LDLRAD3: variants seen among roughly 807,000 people sequenced by gnomAD.
LDLRAD3 encodes the protein low-density lipoprotein receptor class A domain-containing protein 3.
Under a neutral mutation model 29.4 loss-of-function variants are expected in LDLRAD3, and 20 were observed. The observed-to-expected ratio is 0.68, with a 90% CI of 0.48 to 0.99. The LOEUF is 0.99. LDLRAD3 is among the 50% of genes least tolerant of loss of function. The pLI is 0.00. For synonymous variants in LDLRAD3, 157 were observed against 192.7 expected (o/e 0.81, Z 1.53); for missense variants, 420 against 454.3 (o/e 0.92, Z 0.69).
At position 36,144,651 on chromosome 11, in the gene LDLRAD3, G is replaced by A. The variant is rs1207947369; in HGVS notation, c.454+46190G>A. Among the ~76,000 whole-genome samples the A allele has an allele frequency of 8.2e-5, 6 of 72,952 alleles. 1 individual carries two copies. The highest frequency in any genetic ancestry group is 6.8e-4 in the Admixed American group (6 of 8,868). The allele number at this position is 72,952 out of a possible 152,430, so 47.9% of individuals were successfully genotyped here. On this transcript the variant is annotated intron_variant, in intron 4 of 5. Transcript: ENST00000315571. ...TGAGAAGTGAGAAGCCCCTCCGCCC[G>A]GCAGCCACACCGTCTGAGAAGTGAG...
At chr11:36,073,130 G>C (rs1852935265) in intron 2 of LDLRAD3, among the ~76,000 whole-genome samples, 1 of 152,186 alleles carries the variant, frequency 6.6e-6, no homozygotes, top group Admixed American at 6.5e-5. Flanking sequence ...GTTGGCAATT[G>C]TATTAGTCTT....
intron 1 of LDLRAD3, among the ~76,000 whole-genome samples, chr11:35,947,639 C>T (rs1851074725): frequency 6.6e-6 from 1 of 152,204 alleles, no homozygotes; most frequent in South Asian, 2.1e-4. Flanking sequence ...CACATGATCC[C>T]ATTGAAACTT....
intron 3 of LDLRAD3, among the ~76,000 whole-genome samples, chr11:36,090,471 G>A (rs1459019337): frequency 1.3e-5 from 2 of 152,196 alleles, no homozygotes; most frequent in East Asian, 3.9e-4. Flanking sequence ...TCTGGGGGAA[G>A]GTTTAGGGAG....
At chr11:36,174,402 G>A (rs2133351385) in intron 4 of LDLRAD3, among the ~76,000 whole-genome samples, 1 of 152,238 alleles carries the variant, frequency 6.6e-6, no homozygotes, top group African/African-American at 2.4e-5. Context: ...CACAGCAAAA[G>A]AAACTACCAT....
At chr11:36,054,840 AATGG>A (rs201580069) in intron 2 of LDLRAD3, among the ~76,000 whole-genome samples, 25 of 133,820 alleles carry the variant, frequency 1.9e-4, no homozygotes, top group Non-Finnish European at 3.2e-4. Context: ...TGGATGGATG[AATGG>A]ATGGATGGAT....
chr11:36,081,515 T>C (rs1377883126), intron 2 of LDLRAD3, 138 bp from the exon 3 acceptor site: 2 of 1,120,474 alleles, frequency 1.8e-6, no homozygotes, highest in East Asian at 4.8e-5. Flanking sequence ...AGGTGGGTGG[T>C]GGTAATGAGA....
chr11:36,153,404 G>T (rs1043836923), intron 4 of LDLRAD3, among the ~76,000 whole-genome samples: 1 of 152,132 alleles, frequency 6.6e-6, no homozygotes, highest in Non-Finnish European at 1.5e-5. Flanking sequence ...CTGAGCACTG[G>T]CTGGCTCTGG....
intron 1 of LDLRAD3, chr11:35,968,258 C>A: frequency 2.5e-6 from 1 of 395,290 alleles, no homozygotes. Context: ...TGACCAGAGC[C>A]AGTGAGGTCA....
chr11:36,198,391 A>C (rs1427687200), intron 4 of LDLRAD3, among the ~76,000 whole-genome samples: 2 of 149,282 alleles, frequency 1.3e-5, no homozygotes, highest in Admixed American at 6.7e-5. Flanking sequence ...ACACACACAC[A>C]CTTTCTCATC....
At chr11:35,993,157 C>G (rs548994383) in intron 1 of LDLRAD3, among the ~76,000 whole-genome samples, 2 of 152,290 alleles carry the variant, frequency 1.3e-5, no homozygotes, top group Admixed American at 6.5e-5. Flanking sequence ...GGTCTTTCTT[C>G]TGACTCCCAT....
chr11:35,953,781 G>C (rs552252434), intron 1 of LDLRAD3, among the ~76,000 whole-genome samples: 1 of 152,184 alleles, frequency 6.6e-6, no homozygotes, highest in Non-Finnish European at 1.5e-5. Flanking sequence ...TTTCATCAGA[G>C]TTCAAGCTGT....
chr11:36,020,716 G>A (rs891137769), intron 1 of LDLRAD3, among the ~76,000 whole-genome samples: 1 of 152,104 alleles, frequency 6.6e-6, no homozygotes, highest in Non-Finnish European at 1.5e-5. Flanking sequence ...TTGTCTTGGG[G>A]GACTAGGGAG....
At chr11:36,216,950 C>G (rs1472851457) in intron 4 of LDLRAD3, among the ~76,000 whole-genome samples, 2 of 152,138 alleles carry the variant, frequency 1.3e-5, no homozygotes, top group East Asian at 3.9e-4. Context: ...CAGGATAGCG[C>G]AATGGATTCT....
chr11:36,220,132 CAA>C (rs1565313246), intron 4 of LDLRAD3, among the ~76,000 whole-genome samples: 30 of 152,194 alleles, frequency 2.0e-4, no homozygotes, highest in African/African-American at 7.2e-4. Flanking sequence ...TAAGTGGTAT[CAA>C]TAAGATACCA....
chr11:35,964,227 C>T (rs1233335711), intron 1 of LDLRAD3, among the ~76,000 whole-genome samples: 1 of 152,138 alleles, frequency 6.6e-6, no homozygotes, highest in African/African-American at 2.4e-5. Flanking sequence ...TTACTGTGTC[C>T]CAGGCTCTGG....
At chr11:36,077,124 T>C (rs1007387813) in intron 2 of LDLRAD3, among the ~76,000 whole-genome samples, 8 of 152,196 alleles carry the variant, frequency 5.3e-5, no homozygotes, top group Non-Finnish European at 8.8e-5. Flanking sequence ...CAGATAGATA[T>C]ACTCGGAGAA....
At chr11:35,985,765 T>C (rs1851606789) in intron 1 of LDLRAD3, among the ~76,000 whole-genome samples, 1 of 152,032 alleles carries the variant, frequency 6.6e-6, no homozygotes, top group Admixed American at 6.5e-5. Context: ...CCATGTAAGA[T>C]GTGCCTTTGC....
In LDLRAD3 at chr11:36,044,754, C is replaced by T. The variant is rs899325677; in HGVS notation, c.193+8505C>T. Among the ~76,000 whole-genome samples the T allele has an allele frequency of 2.6e-5, 4 of 152,334 alleles. No individual in the cohort carries two copies. In the East Asian group the frequency reaches 7.7e-4, roughly 29 times the overall value. On this transcript the variant is annotated intron_variant, in intron 2 of 5. Coordinates refer to ENST00000315571, the MANE Select transcript of LDLRAD3 (RefSeq NM_174902.4). Reference sequence around the variant, plus strand: ...ATTTGAGGGGCTGAGGTGAGCCAGGCTCTTGAGGTTGCAGGGAAGGAAGCT... The same window carrying T: ...ATTTGAGGGGCTGAGGTGAGCCAGGTTCTTGAGGTTGCAGGGAAGGAAGCT...
rs1853629184 is a variant in LDLRAD3 at position 36,113,199 on chromosome 11, A to G, written c.454+14738A>G. Among the ~76,000 whole-genome samples, 4 of 152,082 alleles carry G rather than the reference A, an allele frequency of 2.6e-5. No homozygotes were observed. The South Asian group carries it at 6.2e-4, about 24-fold the overall frequency. On this transcript the variant is annotated intron_variant, in intron 4 of 5. Coordinates refer to ENST00000315571, the MANE Select transcript of LDLRAD3 (RefSeq NM_174902.4). The stretch of plus-strand genomic sequence containing the variant: ...CCAGGGATTCTGTATTAGTTAGAAC[A>G]TAGGGTAAGCTGCCATAACAAAGAG...
Sources: allele counts gnomAD v4.1 joint callset (sites outside exome capture counted in the v4.1 genomes callset), GRCh38; gene constraint gnomAD v4.1.1; transcripts MANE v1.5; gene names NCBI Gene and HGNC (gene_info 2026-07-23, HGNC 2026-07-21).